TGDS: variants seen among roughly 807,000 people sequenced by gnomAD.
TGDS encodes the protein UDP-D-glucose 4,6-dehydratase.
Under a neutral mutation model 52.3 loss-of-function variants are expected in TGDS, and 47 were observed. The observed-to-expected ratio is 0.90, with a 90% CI of 0.71 to 1.15. The LOEUF (loss-of-function observed/expected upper bound fraction) is 1.15, where lower values mean the gene tolerates loss of function less well. Ranked by LOEUF, TGDS falls within the 50% of genes most tolerant of loss-of-function variation. The pLI, the probability that TGDS is intolerant of heterozygous loss-of-function variation, is 0.00. For missense variants in TGDS, 375 were observed against 418.4 expected, an observed-to-expected ratio of 0.90 and a Z score of 0.90; for synonymous variants, 115 against 136.9, an observed-to-expected ratio of 0.84 and a Z score of 1.12.
intron 4 of TGDS, among the ~76,000 whole-genome samples, chr13:94,590,146 C>CA (rs896055161): frequency 7.5e-5 from 11 of 146,408 alleles, no homozygotes; most frequent in Admixed American, 1.4e-4. Flanking sequence ...TTTGAAAAAA[C>CA]AAAAAAAACT....
intron 2 of TGDS, 105 bp from the exon 3 acceptor site, chr13:94,592,414 C>T (rs897952921): frequency 6.0e-6 from 5 of 837,646 alleles, no homozygotes; most frequent in African/African-American, 3.5e-5. Flanking sequence ...GGTTACAATA[C>T]AAGAACATGT....
chr13:94,593,516 AG>A (rs899011599), intron 2 of TGDS, among the ~76,000 whole-genome samples: 1 of 152,222 alleles, frequency 6.6e-6, no homozygotes, highest in African/African-American at 2.4e-5. Flanking sequence ...AATCCAATTA[AG>A]GCTTATAATC....
intron 10 of TGDS, among the ~76,000 whole-genome samples, chr13:94,577,106 A>T (rs1190454761): frequency 6.6e-6 from 1 of 152,106 alleles, no homozygotes; most frequent in Non-Finnish European, 1.5e-5. Context: ...GTCTCCAAAA[A>T]AAAAAAAAAA....
At chr13:94,589,143 A>G (rs1400883804) in intron 4 of TGDS, among the ~76,000 whole-genome samples, 2 of 152,142 alleles carry the variant, frequency 1.3e-5, no homozygotes, top group Non-Finnish European at 2.9e-5. Flanking sequence ...TCATCAAAAC[A>G]CACTGTCAAA....
intron 5 of TGDS, among the ~76,000 whole-genome samples, chr13:94,582,803 C>G (rs1443987356): frequency 2.0e-5 from 3 of 152,218 alleles, no homozygotes; most frequent in African/African-American, 7.2e-5. Context: ...GCTTCCTGCC[C>G]TCGAACATCT....
Position 94,590,884 on chromosome 13 carries a change from T to C in TGDS, c.282A>G (p.Ile94Met), listed in dbSNP as rs765371325. 2 of 1,576,762 alleles carry C rather than the reference T, an allele frequency of 1.3e-6. No individual in the cohort carries two copies. The highest frequency in any genetic ancestry group is 1.7e-6 in the Non-Finnish European group (2 of 1,168,786). The change falls in exon 4 of 12, where the codon ATA (isoleucine) becomes ATG (methionine). Residue 94 changes from isoleucine to methionine, a missense_variant. Coordinates refer to ENST00000261296, the MANE Select transcript of TGDS (RefSeq NM_014305.4). ...GTGTTTGTGCGGCAAAATGTAGTAC[T>C]ATATCTATTTTCTCTGTTTCAAAAA... ...KLLFETEKID[I>M]VLHFAAQTHV...
rs753758422 is a variant in TGDS at position 94,593,883 on chromosome 13, T to C, written c.111A>G (p.Leu37=). The C allele has an allele frequency of 2.5e-6, 4 of 1,584,628 alleles. No homozygotes were observed. Among genetic ancestry groups the C allele is most frequent in the Non-Finnish European group, 3.4e-6 (4 of 1,166,704 alleles). The change falls in exon 2 of 12, where the codon TTA becomes TTG. Residue 37 remains leucine (L), a synonymous_variant. Transcript: ENST00000261296. ...GFIASHMIVS[L]VEDYPNYMII... Reference sequence around the variant, plus strand: ...TCATATAGTTTGGATAATCTTCCACTAAAGAGACAATCATATGTGATGCAC... The same window carrying C: ...TCATATAGTTTGGATAATCTTCCACCAAAGAGACAATCATATGTGATGCAC...
At chr13:94,584,959 CATT>C (rs1414609407) in intron 4 of TGDS, among the ~76,000 whole-genome samples, 1 of 152,172 alleles carries the variant, frequency 6.6e-6, no homozygotes, top group Non-Finnish European at 1.5e-5. Context: ...GAAACCAACT[CATT>C]ATAGTAAAAT....
intron 4 of TGDS, among the ~76,000 whole-genome samples, chr13:94,583,841 A>G (rs1003978998): frequency 1.3e-5 from 2 of 152,248 alleles, no homozygotes; most frequent in African/African-American, 4.8e-5. Flanking sequence ...AGTATCGTCA[A>G]TTTATAAAGA....
At chr13:94,576,469 T>C in intron 10 of TGDS, 58 bp from the exon 11 acceptor site, 1 of 1,175,474 alleles carries the variant, frequency 8.5e-7, no homozygotes, top group Non-Finnish European at 1.2e-6. Flanking sequence ...CAAATTTAGA[T>C]ATTAGGAGAT....
intron 10 of TGDS, among the ~76,000 whole-genome samples, chr13:94,577,101 C>CAAA (rs34410018): frequency 9.6e-6 from 1 of 103,674 alleles, no homozygotes; most frequent in African/African-American, 3.5e-5. Flanking sequence ...ATTCTGTCTC[C>CAAA]AAAAAAAAAA....
intron 11 of TGDS, among the ~76,000 whole-genome samples, chr13:94,575,931 A>C (rs1888583729): frequency 6.6e-6 from 1 of 152,184 alleles, no homozygotes; most frequent in Non-Finnish European, 1.5e-5. Context: ...CACCAACTCT[A>C]AGATGCCACT....
rs368499099 is a variant in TGDS, at chr13:94,596,146, C to T, written c.-10G>A. 4.3e-6 allele frequency: 7 copies of T among 1,613,598 alleles called. No homozygotes were observed. In the African/African-American group the frequency reaches 6.7e-5, roughly 15 times the overall value. Reference sequence around the variant, plus strand: ...AACACGCCGCCGACATCTCCCAGCTCAGCAGTGCCTAGTACCGTAAAGAGT... The same window carrying T: ...AACACGCCGCCGACATCTCCCAGCTTAGCAGTGCCTAGTACCGTAAAGAGT... On this transcript the variant is annotated 5_prime_UTR_variant, in exon 1 of 12. Coordinates refer to ENST00000261296, the MANE Select transcript of TGDS (RefSeq NM_014305.4).
chr13:94,593,961 T>C, intron 1 of TGDS, 54 bp from the exon 2 acceptor site: 1 of 1,125,870 alleles, frequency 8.9e-7, no homozygotes, highest in East Asian at 2.5e-5. Context: ...CCCTAAACTC[T>C]TGAATATTTT....
At chr13:94,584,859 A>T (rs901156971) in intron 4 of TGDS, among the ~76,000 whole-genome samples, 1 of 152,238 alleles carries the variant, frequency 6.6e-6, no homozygotes, top group Non-Finnish European at 1.5e-5. Flanking sequence ...AAGAAAAATA[A>T]CTGCAAATGA....
At chr13:94,587,769 G>A (rs1343178530) in intron 4 of TGDS, among the ~76,000 whole-genome samples, 4 of 151,968 alleles carry the variant, frequency 2.6e-5, no homozygotes, top group South Asian at 4.2e-4. Flanking sequence ...AGGCTGAGGC[G>A]GGTGGATCAC....
At chr13:94,591,518 C>CG (rs962296142) in intron 3 of TGDS, among the ~76,000 whole-genome samples, 2 of 152,100 alleles carry the variant, frequency 1.3e-5, no homozygotes, top group Admixed American at 1.3e-4. Context: ...GCTTGAACCC[C>CG]GGAGGCAGGG....
intron 1 of TGDS, among the ~76,000 whole-genome samples, chr13:94,595,207 G>A (rs1889333150): frequency 6.6e-6 from 1 of 152,200 alleles, no homozygotes; most frequent in African/African-American, 2.4e-5. Context: ...CAAGACAGAA[G>A]TGTGTATCTT....
chr13:94,590,200 T>C (rs1889149172), intron 4 of TGDS, among the ~76,000 whole-genome samples: 1 of 147,898 alleles, frequency 6.8e-6, no homozygotes, highest in South Asian at 2.1e-4. Context: ...ATTTAACATA[T>C]ATTAAGTATA....
Sources: allele counts gnomAD v4.1 joint callset (sites outside exome capture counted in the v4.1 genomes callset), GRCh38; gene constraint gnomAD v4.1.1; transcripts MANE v1.5; gene names NCBI Gene and HGNC (gene_info 2026-07-23, HGNC 2026-07-21).